The following FKBP1B variants were observed in gnomAD, a reference collection of about 807,000 sequenced individuals.
FKBP1B encodes FKBP prolyl isomerase 1B.
A neutral mutation model predicts 13.5 loss-of-function variants in FKBP1B; 4 were observed. The observed-to-expected ratio is 0.30, with a 90% CI of 0.15 to 0.68. FKBP1B has a LOEUF of 0.68. Among genes scored for constraint, FKBP1B ranks in the 30% least tolerant of loss-of-function variants. FKBP1B has a pLI of 0.76. For synonymous variants in FKBP1B, 54 were observed against 53.6 expected, an observed-to-expected ratio of 1.01 and a Z score of -0.03; for missense variants, 93 against 136.2, an observed-to-expected ratio of 0.68 and a Z score of 1.58.
intron 2 of FKBP1B, among the ~76,000 whole-genome samples, chr2:24,054,800 T>A (rs1008656085): frequency 1.3e-4 from 20 of 152,192 alleles, no homozygotes; most frequent in African/African-American, 3.9e-4. Flanking sequence ...CCATGGGTCG[T>A]CTGGGGCCTC....
chr2:24,047,492 C>G (rs1288253795), upstream of FKBP1B: 4 of 152,094 alleles, frequency 2.6e-5, no homozygotes, highest in Non-Finnish European at 4.4e-5. Context: ...AGGCACGCTC[C>G]GAGATGGCCC....
chr2:24,048,061 C>T (rs1663688948), upstream of FKBP1B, among the ~76,000 whole-genome samples: 1 of 152,196 alleles, frequency 6.6e-6, no homozygotes, highest in Non-Finnish European at 1.5e-5. Flanking sequence ...GGAGGAAGAA[C>T]ACCCTTGGGG....
chr2:24,062,621 G>A (rs1664444328), intron 3 of FKBP1B, among the ~76,000 whole-genome samples: 1 of 152,116 alleles, frequency 6.6e-6, no homozygotes, highest in Non-Finnish European at 1.5e-5. Flanking sequence ...GCCACAATAG[G>A]TCCCCCTTGC....
intron 3 of FKBP1B, 128 bp from the exon 4 acceptor site, chr2:24,062,936 A>G: frequency 1.4e-6 from 2 of 1,389,634 alleles, no homozygotes; most frequent in Admixed American, 3.9e-5. Context: ...CCCATGTAAA[A>G]TTCATCTGAG....
intron 2 of FKBP1B, among the ~76,000 whole-genome samples, chr2:24,056,430 G>A (rs546242544): frequency 2.7e-5 from 4 of 150,250 alleles, no homozygotes; most frequent in South Asian, 2.1e-4. Context: ...CTGCAACCCC[G>A]CCTCCTGGGT....
chr2:24,039,203 T>C, the FKBP1B span: 2 of 1,614,250 alleles, frequency 1.2e-6, no homozygotes, highest in South Asian at 2.2e-5. Context: ...AGCCATTTGC[T>C]TGACTCCATA....
intron 2 of FKBP1B, among the ~76,000 whole-genome samples, chr2:24,057,149 T>C (rs12105324): frequency 0.17 from 26,401 of 151,994 alleles, 3,207 homozygotes; most frequent in African/African-American, 0.34. Context: ...TTTTATAGTT[T>C]ATATTTTCTT....
intron 1 of FKBP1B, 87 bp from the exon 2 acceptor site, chr2:24,053,815 C>A: frequency 7.7e-7 from 1 of 1,292,242 alleles, no homozygotes; most frequent in Non-Finnish European, 1.1e-6. Context: ...GGAATGCAGG[C>A]TGGAGCTCTT....
In FKBP1B at chr2:24,060,805, CT is replaced by C. The variant is rs1463858530; in HGVS notation, c.86-6del. On this transcript the variant is annotated splice_region_variant and splice_polypyrimidine_tract_variant and intron_variant, in intron 2 of 3. Coordinates refer to ENST00000380986, the MANE Select transcript of FKBP1B (RefSeq NM_004116.5). ...ACAGCTCTATTGCACCCGATTCTTG[CT>C]TTGACAGGAATGCTCCAAAATGGGA... The C allele has an allele frequency of 1.2e-6, 2 of 1,608,582 alleles. No homozygotes were observed. The highest frequency in any genetic ancestry group is 2.2e-5 in the South Asian group (2 of 90,916).
intron 1 of FKBP1B, 36 bp from the exon 2 acceptor site, chr2:24,053,866 T>C (rs11125393): frequency 0.27 from 426,323 of 1,606,010 alleles, 59,643 homozygotes; most frequent in African/African-American, 0.44. Flanking sequence ...TTTTCCAATA[T>C]CCTACTCCTT....
upstream of FKBP1B, among the ~76,000 whole-genome samples, chr2:24,047,889 T>A (rs1409056229): frequency 1.3e-5 from 2 of 152,242 alleles, no homozygotes; most frequent in African/African-American, 4.8e-5. Flanking sequence ...ATGGATTTAG[T>A]GCGTCCCTTA....
At chr2:24,035,195 GA>G in the FKBP1B span, among the ~76,000 whole-genome samples, 8 of 147,320 alleles carry the variant, frequency 5.4e-5, no homozygotes, top group African/African-American at 5.0e-5. Flanking sequence ...TTGTAATTAG[GA>G]AAAAAAAATA....
intron 1 of FKBP1B, among the ~76,000 whole-genome samples, chr2:24,052,931 C>T (rs536671552): frequency 6.6e-6 from 1 of 152,094 alleles, no homozygotes; most frequent in South Asian, 2.1e-4. Context: ...CGAGATCATG[C>T]TGTTGCACTC....
At chr2:24,055,438 GT>G (rs1252598453) in intron 2 of FKBP1B, among the ~76,000 whole-genome samples, 1 of 152,100 alleles carries the variant, frequency 6.6e-6, no homozygotes, top group Non-Finnish European at 1.5e-5. Context: ...TCGAACGCCT[GT>G]ATGCAAGTGA....
At chr2:24,038,239 G>C in the FKBP1B span, 1 of 1,614,084 alleles carries the variant, frequency 6.2e-7, no homozygotes, top group Non-Finnish European at 8.5e-7. Context: ...ATACTGATCA[G>C]ACTTTGAAGA....
chr2:24,051,896 C>T (rs983278558), intron 1 of FKBP1B, among the ~76,000 whole-genome samples: 2 of 152,040 alleles, frequency 1.3e-5, no homozygotes, highest in Admixed American at 6.5e-5. Flanking sequence ...AAATTTATAC[C>T]TCCAGTGCAG....
At position 24,063,580 on chromosome 2, in the gene FKBP1B, T is replaced by C. The variant is rs1390636824; in HGVS notation, c.*388T>C. 2 of 240,448 alleles carry C rather than the reference T, an allele frequency of 8.3e-6. No homozygotes were observed. The highest frequency in any genetic ancestry group is 1.1e-4 in the Admixed American group (2 of 18,016). 14.9% of individuals were successfully genotyped at this position (240,448 alleles called of 1,614,324 possible). A position where few individuals can be genotyped will look rare whatever the true frequency, so the allele number is the denominator to read the frequency against. On this transcript the variant is annotated 3_prime_UTR_variant, in exon 4 of 4. Transcript: ENST00000380986. ...CCGTACACAGAGGGACTTGAGCCAGTTACCTTTGCTGTCACTTTCTCTCTT... is the reference window on the plus strand; with the variant it reads ...CCGTACACAGAGGGACTTGAGCCAGCTACCTTTGCTGTCACTTTCTCTCTT...
At chr2:24,053,364 A>T (rs901197607) in intron 1 of FKBP1B, among the ~76,000 whole-genome samples, 1 of 149,810 alleles carries the variant, frequency 6.7e-6, no homozygotes, top group Non-Finnish European at 1.5e-5. Context: ...CCTGAGCTCA[A>T]GTGATCCTCC....
chr2:24,033,600 G>C, the FKBP1B span, among the ~76,000 whole-genome samples: 1 of 151,422 alleles, frequency 6.6e-6, no homozygotes, highest in Non-Finnish European at 1.5e-5. Context: ...AGTTAGCCAG[G>C]CATGGTGGTA....
Sources: allele counts gnomAD v4.1 joint callset (sites outside exome capture counted in the v4.1 genomes callset), GRCh38; gene constraint gnomAD v4.1.1; transcripts MANE v1.5; gene names NCBI Gene and HGNC (gene_info 2026-07-23, HGNC 2026-07-21).